Variants in BRSK2 observed in about 807,000 individuals in gnomAD.
The protein encoded by BRSK2 is serine/threonine-protein kinase BRSK2.
Under a neutral mutation model 83.3 loss-of-function variants are expected in BRSK2, and 19 were observed. The observed-to-expected ratio is 0.23, with a 90% CI of 0.16 to 0.33. The LOEUF is 0.33. Among genes scored for constraint, BRSK2 ranks in the 10% least tolerant of loss-of-function variants. BRSK2 has a pLI of 1.00. For missense variants in BRSK2, 798 were observed against 1,042.3 expected (o/e 0.77, Z 3.23); for synonymous variants, 519 against 435.4 (o/e 1.19, Z -2.39).
rs1393739481 is a variant in BRSK2 at position 1,445,339 on chromosome 11, G to A, written c.858G>A (p.Lys286=). The A allele has an allele frequency of 6.2e-7, 1 of 1,611,410 alleles. No homozygotes were observed. Among genetic ancestry groups the A allele is most frequent in the Non-Finnish European group, 8.5e-7 (1 of 1,179,356 alleles). The part of the protein sequence containing the change: ...EPEPEQPIPR[K]VQIRSLPSLE... ...AACCAGAGCAGCCCATTCCTCGCAA[G>A]GTGCAGATCCGCTCGCTGCCCAGCC... Residue 286 remains lysine (K), a synonymous_variant, in exon 10 of 20, where the codon AAG becomes AAA. Transcript: ENST00000528841.
chr11:1,411,367 T>C (rs757725746), intron 1 of BRSK2: 16 of 1,451,990 alleles, frequency 1.1e-5, no homozygotes, highest in Non-Finnish European at 1.4e-5. Context: ...CTGGCCCTAG[T>C]TTGGGGAGGG....
chr11:1,456,173 G>A (rs546284009), intron 16 of BRSK2, among the ~76,000 whole-genome samples, 175 bp from the exon 17 acceptor site: 117 of 152,184 alleles, frequency 7.7e-4, no homozygotes, highest in African/African-American at 2.7e-3. Context: ...GGCTGGAAAC[G>A]CCCCTCCCCC....
At chr11:1,391,135 C>T (rs556362501) in intron 1 of BRSK2, among the ~76,000 whole-genome samples, 1 of 152,350 alleles carries the variant, frequency 6.6e-6, no homozygotes, top group South Asian at 2.1e-4. Context: ...CCAGAGGCAA[C>T]CCAGCTACCC....
At position 1,457,436 on chromosome 11, in the gene BRSK2, C is replaced by T. The variant is rs1448157280; in HGVS notation, c.1939+749C>T. ...GGGGAGGGTTGCCCCAGCCTGGAAC[C>T]ACCAGGGTCTAGGACCCGAGGGTCC... is the stretch of plus-strand genomic sequence containing the variant. On this transcript the variant is annotated intron_variant, in intron 18 of 19. Transcript: ENST00000528841. Among the ~76,000 whole-genome samples, 3 of 137,380 alleles carry T rather than the reference C, an allele frequency of 2.2e-5. No individual in the cohort carries two copies. In the East Asian group the frequency reaches 6.1e-4, roughly 28 times the overall value. 90.1% of individuals were successfully genotyped at this position (137,380 alleles called of 152,430 possible).
chr11:1,399,874 T>G (rs1446951473), intron 1 of BRSK2, among the ~76,000 whole-genome samples: 1 of 148,856 alleles, frequency 6.7e-6, no homozygotes, highest in Non-Finnish European at 1.5e-5. Context: ...TTTTCTGGGA[T>G]GGAGGCCTCG....
intron 1 of BRSK2, among the ~76,000 whole-genome samples, chr11:1,416,436 C>T (rs1848105216): frequency 6.6e-6 from 1 of 152,218 alleles, no homozygotes; most frequent in Admixed American, 6.5e-5. Flanking sequence ...GCCCCCTTCC[C>T]AGTGCCCGTC....
chr11:1,447,675 T>G (rs1564862509), intron 12 of BRSK2: 8 of 871,322 alleles, frequency 9.2e-6, no homozygotes, highest in Middle Eastern at 2.2e-4. Context: ...TCTCTCGCCA[T>G]CTTTGTGCAG....
At chr11:1,437,583 T>C (rs997893372) in intron 2 of BRSK2, among the ~76,000 whole-genome samples, 2 of 152,148 alleles carry the variant, frequency 1.3e-5, no homozygotes, top group African/African-American at 4.8e-5. Flanking sequence ...CAGTACCAGC[T>C]GGGAGCCTGT....
chr11:1,423,087 G>T lies in BRSK2; in HGVS notation c.92-12953G>T, dbSNP rs898900935. On this transcript the variant is annotated intron_variant, in intron 1 of 19. Transcript: ENST00000528841. The surrounding 1 kb of genome is among the most constrained non-coding windows in gnomAD (Gnocchi z 6.5). ...AGCAGCCCGGAGGGTTAATGTCCAG[G>T]TACCTCCAGGCCCCATGCACCCAGG... 6.6e-6 allele frequency among the ~76,000 whole-genome samples: 1 copy of T among 152,162 alleles called. No homozygotes were observed. The highest frequency in any genetic ancestry group is 1.5e-5 in the Non-Finnish European group (1 of 68,022).
intron 1 of BRSK2, among the ~76,000 whole-genome samples, chr11:1,403,168 G>A (rs1231425747): frequency 1.3e-5 from 2 of 152,108 alleles, no homozygotes; most frequent in African/African-American, 2.4e-5. Flanking sequence ...ATCCTCGGGG[G>A]GTCTGTGTCA....
intron 1 of BRSK2, among the ~76,000 whole-genome samples, chr11:1,397,692 G>A (rs543729525): frequency 2.6e-5 from 4 of 152,210 alleles, no homozygotes; most frequent in South Asian, 2.1e-4. Flanking sequence ...CATGCTCCTC[G>A]TTGGGTGCCA....
chr11:1,405,695 G>A (rs1054544277), intron 1 of BRSK2, among the ~76,000 whole-genome samples: 2 of 152,270 alleles, frequency 1.3e-5, no homozygotes, highest in African/African-American at 2.4e-5. Flanking sequence ...AAGATGGGGT[G>A]CGGAGCTCTT....
intron 18 of BRSK2, 37 bp downstream of exon 18, chr11:1,456,724 C>T (rs773375889): frequency 4.1e-5 from 64 of 1,552,134 alleles, no homozygotes; most frequent in East Asian, 1.2e-4. Flanking sequence ...CTGCGGCCTG[C>T]GAGTGGGGCG....
Position 1,436,052 on chromosome 11 carries a change from T to G in BRSK2, c.104T>G (p.Leu35Arg), listed in dbSNP as rs557744898. The change falls in exon 2 of 20, where the codon CTG becomes CGG. Residue 35 changes from leucine (L) to arginine (R), a missense_variant. Leu to Arg is a moderately radical substitution (Grantham distance 102). Around this residue, in one of 6 missense-constraint regions of BRSK2, gnomAD observed 109 missense variants for 259.2 expected, o/e 0.42. Transcript: ENST00000528841. ...TTCTCTCCCGCAGGTCTGGTGAAGC[T>G]GGGGGTTCACTGCGTCACCTGCCAG... ...LGKGQTGLVK[L>R]GVHCVTCQKV... 6.3e-7 allele frequency: 1 copy of G among 1,599,088 alleles called. No individual in the cohort carries two copies. Among genetic ancestry groups the G allele is most frequent in the Admixed American group, 1.7e-5 (1 of 58,592 alleles).
At chr11:1,411,785 T>C (rs917006043) in intron 1 of BRSK2, among the ~76,000 whole-genome samples, 3 of 152,174 alleles carry the variant, frequency 2.0e-5, no homozygotes, top group Admixed American at 6.5e-5. Context: ...GTTCCTACGC[T>C]GGCGCTGCCT....
chr11:1,406,991 G>A (rs1050769252), intron 1 of BRSK2, among the ~76,000 whole-genome samples: 1 of 152,198 alleles, frequency 6.6e-6, no homozygotes, highest in Non-Finnish European at 1.5e-5. Flanking sequence ...GCATGTGTGT[G>A]GTCTGTGCAT....
Position 1,406,646 on chromosome 11 carries a change from G to A in BRSK2, c.91+16271G>A, listed in dbSNP as rs547235049. ...CCCAGGCTCTCAGGATGGGCCACAC[G>A]GAGCTGGCATGAGGAGGCCTGCAGA... On this transcript the variant is annotated intron_variant, in intron 1 of 19. Coordinates refer to ENST00000528841, the MANE Select transcript of BRSK2 (RefSeq NM_001256627.2). Among the ~76,000 whole-genome samples the A allele has an allele frequency of 5.9e-5, 9 of 152,334 alleles. No homozygotes were observed. In the South Asian group the frequency reaches 1.7e-3, roughly 28 times the overall value.
chr11:1,407,771 G>A (rs1846995850), intron 1 of BRSK2, among the ~76,000 whole-genome samples: 1 of 152,248 alleles, frequency 6.6e-6, no homozygotes, highest in Non-Finnish European at 1.5e-5. Flanking sequence ...AACTGGCTCC[G>A]CTGGGATTGG....
In BRSK2 at chr11:1,442,356, G is replaced by A. The variant is rs145303138; in HGVS notation, c.414-134G>A. 1.4e-4 allele frequency: 91 copies of A among 647,700 alleles called. No individual in the cohort carries two copies. The East Asian group carries it at 2.6e-3, about 18-fold the overall frequency. 40.1% of individuals were successfully genotyped at this position (647,700 alleles called of 1,614,324 possible). ...TGATTGGCTGCCTATGACATCACCAGGCTGGGCTGCTATTGGCCCTTATGT... is the reference window on the plus strand; with the variant it reads ...TGATTGGCTGCCTATGACATCACCAAGCTGGGCTGCTATTGGCCCTTATGT... On this transcript the variant is annotated intron_variant, in intron 4 of 19. Transcript: ENST00000528841.
Sources: gnomAD v4.1 joint callset for allele counts (sites outside exome capture counted in the v4.1 genomes callset) on GRCh38, gnomAD v4.1.1 for gene constraint, gnomAD v4.1.1 regional missense constraint, Gnocchi (gnomAD v3.1) non-coding constraint, MANE v1.5 for transcripts, NCBI Gene and HGNC (gene_info 2026-07-23, HGNC 2026-07-21) for gene names.